The following SORCS1 variants were observed in gnomAD, a reference collection of about 807,000 sequenced individuals.
SORCS1 encodes VPS10 domain-containing receptor SorCS1.
Under a neutral mutation model 146.1 loss-of-function variants are expected in SORCS1, and 60 were observed. The ratio of observed to expected loss-of-function variants is 0.41; its 90% confidence interval spans 0.33 to 0.51. SORCS1 has a LOEUF of 0.51. SORCS1 is among the 20% of genes least tolerant of loss of function. SORCS1 has a pLI of 0.21. For missense variants in SORCS1, 1,352 were observed against 1,487.6 expected (o/e 0.91, Z 1.50); for synonymous variants, 637 against 584.0 (o/e 1.09, Z -1.31).
At chr10:106,934,356 C>T (rs1374300580) in intron 2 of SORCS1, among the ~76,000 whole-genome samples, 1 of 151,898 alleles carries the variant, frequency 6.6e-6, no homozygotes, top group African/African-American at 2.4e-5. Flanking sequence ...CTCCGGGGTT[C>T]ACGTCATTCT....
At chr10:106,858,446 C>T (rs1949874720) in intron 2 of SORCS1, among the ~76,000 whole-genome samples, 1 of 151,702 alleles carries the variant, frequency 6.6e-6, no homozygotes, top group African/African-American at 2.4e-5. Context: ...GGGGAAACCC[C>T]GTCTCTACTA....
At position 106,817,212 on chromosome 10, in the gene SORCS1, C is replaced by T. The variant is rs534680268; in HGVS notation, c.726+12362G>A. 3.4e-4 allele frequency among the ~76,000 whole-genome samples: 49 copies of T among 142,978 alleles called. No individual in the cohort carries two copies. In the South Asian group the frequency reaches 9.3e-3, roughly 27 times the overall value. The allele number at this position is 142,978 out of a possible 152,430, so 93.8% of individuals were successfully genotyped here. A position where few individuals can be genotyped will look rare whatever the true frequency, so the allele number is the denominator to read the frequency against. Reference sequence around the variant, plus strand: ...CAAGTTCAGCTGTTTTCCTGGACAGCCTGGAATCCAAACACTTTAATTATT... The same window carrying T: ...CAAGTTCAGCTGTTTTCCTGGACAGTCTGGAATCCAAACACTTTAATTATT... On this transcript the variant is annotated intron_variant, in intron 3 of 25. Coordinates refer to ENST00000263054, the MANE Select transcript of SORCS1 (RefSeq NM_052918.5).
At chr10:106,990,282 C>T (rs543673908) in intron 1 of SORCS1, among the ~76,000 whole-genome samples, 2 of 151,966 alleles carry the variant, frequency 1.3e-5, no homozygotes, top group East Asian at 3.9e-4. Flanking sequence ...TCAAATTTTT[C>T]TTTTTTTGAG....
At chr10:106,586,975 C>A (rs983095649) in intron 24 of SORCS1, among the ~76,000 whole-genome samples, 6 of 152,112 alleles carry the variant, frequency 3.9e-5, no homozygotes, top group African/African-American at 1.4e-4. Flanking sequence ...CAACGAGCAA[C>A]CTCATTGCTG....
chr10:107,077,077 T>A (rs981102638), intron 1 of SORCS1, among the ~76,000 whole-genome samples: 1 of 152,104 alleles, frequency 6.6e-6, no homozygotes, highest in Admixed American at 6.6e-5. Context: ...TCACAACCAA[T>A]CACTTTTATC....
intron 2 of SORCS1, among the ~76,000 whole-genome samples, chr10:106,842,987 T>A (rs147469280): frequency 6.6e-6 from 1 of 152,222 alleles, no homozygotes; most frequent in African/African-American, 2.4e-5. Context: ...GATTGACAAA[T>A]GTAATTGTAT....
At chr10:106,607,695 G>C (rs752369126) in intron 22 of SORCS1, among the ~76,000 whole-genome samples, 1 of 152,166 alleles carries the variant, frequency 6.6e-6, no homozygotes, top group South Asian at 2.1e-4. Context: ...TTGCTAGAGA[G>C]CATCTCCAAG....
intron 2 of SORCS1, among the ~76,000 whole-genome samples, chr10:106,936,492 T>C (rs1953727443): frequency 6.6e-6 from 1 of 152,200 alleles, no homozygotes. Context: ...GAGAAGAATG[T>C]ATGGAACATG....
Position 106,893,392 on chromosome 10 carries a change from T to G in SORCS1, c.626+63121A>C, listed in dbSNP as rs1358133877. Among the ~76,000 whole-genome samples the G allele has an allele frequency of 2.0e-5, 3 of 152,194 alleles. No homozygotes were observed. In the East Asian group the frequency reaches 5.8e-4, roughly 29 times the overall value. ...AACACATACATTTAACTATATTTAT[T>G]TTTTATTCTTTTTTCCTTATTAGCC... is the stretch of plus-strand genomic sequence containing the variant. On this transcript the variant is annotated intron_variant, in intron 2 of 25. Coordinates refer to ENST00000263054, the MANE Select transcript of SORCS1 (RefSeq NM_052918.5).
chr10:107,123,521 A>C (rs1180553725), intron 1 of SORCS1, among the ~76,000 whole-genome samples: 1 of 152,294 alleles, frequency 6.6e-6, no homozygotes, highest in African/African-American at 2.4e-5. Flanking sequence ...CAATAAATAG[A>C]ATGTATCATA....
chr10:106,604,143 T>C (rs760418533), intron 23 of SORCS1, among the ~76,000 whole-genome samples: 5 of 152,216 alleles, frequency 3.3e-5, no homozygotes, highest in Non-Finnish European at 1.5e-5. Flanking sequence ...ACTTCCCATA[T>C]GGTAGCCAGG....
chr10:107,084,504 T>C (rs150089883), intron 1 of SORCS1, among the ~76,000 whole-genome samples: 252 of 152,156 alleles, frequency 1.7e-3, no homozygotes, highest in African/African-American at 5.9e-3. Flanking sequence ...GATGTGTTTG[T>C]GTATGTATAT....
At chr10:106,817,923 C>T (rs1427078603) in intron 3 of SORCS1, among the ~76,000 whole-genome samples, 5 of 152,218 alleles carry the variant, frequency 3.3e-5, no homozygotes, top group African/African-American at 1.2e-4. Context: ...GCTTCCCTGA[C>T]TATGTGAGAT....
intron 6 of SORCS1, among the ~76,000 whole-genome samples, chr10:106,720,798 T>C (rs1855728372): frequency 2.0e-5 from 3 of 152,086 alleles, no homozygotes; most frequent in Non-Finnish European, 1.5e-5. Flanking sequence ...CAGAGCTTCA[T>C]GCAGGTGGGT....
chr10:106,953,978 T>A (rs1954820728), intron 2 of SORCS1, among the ~76,000 whole-genome samples: 1 of 152,184 alleles, frequency 6.6e-6, no homozygotes, highest in African/African-American at 2.4e-5. Context: ...AAGGGAAGCC[T>A]GATACTAATG....
intron 1 of SORCS1, among the ~76,000 whole-genome samples, chr10:107,008,909 A>G (rs533608603): frequency 6.6e-6 from 1 of 152,348 alleles, no homozygotes; most frequent in Admixed American, 6.5e-5. Flanking sequence ...AGGCAGGGGA[A>G]TCACTTGAAT....
intron 24 of SORCS1, among the ~76,000 whole-genome samples, chr10:106,587,295 G>A (rs1312755691): frequency 1.3e-5 from 2 of 152,202 alleles, no homozygotes; most frequent in Non-Finnish European, 2.9e-5. Context: ...TAAACTTACT[G>A]GCTGTGGAAG....
intron 1 of SORCS1, among the ~76,000 whole-genome samples, chr10:107,055,582 T>G (rs552539122): frequency 1.3e-5 from 2 of 152,330 alleles, no homozygotes; most frequent in South Asian, 2.1e-4. Flanking sequence ...CTCTGCAGGA[T>G]TTGAGCAGGT....
intron 2 of SORCS1, among the ~76,000 whole-genome samples, chr10:106,848,975 C>T (rs1335012046): frequency 2.0e-5 from 3 of 150,794 alleles, no homozygotes; most frequent in Admixed American, 1.3e-4. Context: ...TGATGGGCTT[C>T]CCTTTGAGGG....
Sources: gnomAD v4.1 joint callset for allele counts (sites outside exome capture counted in the v4.1 genomes callset) on GRCh38, gnomAD v4.1.1 for gene constraint, MANE v1.5 for transcripts, NCBI Gene and HGNC (gene_info 2026-07-23, HGNC 2026-07-21) for gene names.